Variants in MED13L observed in about 807,000 individuals in gnomAD.
MED13L encodes the protein mediator complex subunit 13L.
A neutral mutation model predicts 220.9 loss-of-function variants in MED13L; 7 were observed. The observed-to-expected ratio is 0.03, with a 90% CI of 0.02 to 0.06. The LOEUF (loss-of-function observed/expected upper bound fraction) is 0.06. MED13L is among the 10% of genes least tolerant of loss of function. The pLI is 1.00. For synonymous variants in MED13L, 1,011 were observed against 1,015.2 expected (o/e 1.00, Z 0.08); for missense variants, 1,965 against 2,760.5 (o/e 0.71, Z 6.46).
At chr12:116,223,890 C>A (rs1868687739) in intron 2 of MED13L, among the ~76,000 whole-genome samples, 1 of 152,100 alleles carries the variant, frequency 6.6e-6, no homozygotes, top group Non-Finnish European at 1.5e-5. Flanking sequence ...TCCAGGACAC[C>A]AGGAAGTCTT....
chr12:115,972,031 G>A, intron 26 of MED13L, 47 bp downstream of exon 26: 1 of 1,598,002 alleles, frequency 6.3e-7, no homozygotes, highest in South Asian at 1.1e-5. Flanking sequence ...TGAGTGGACT[G>A]AATTGATGTG....
intron 2 of MED13L, among the ~76,000 whole-genome samples, chr12:116,212,666 C>T (rs895523307): frequency 2.0e-5 from 3 of 152,088 alleles, no homozygotes; most frequent in Admixed American, 6.5e-5. Flanking sequence ...AACAAAACAA[C>T]AAAACTTTAA....
At chr12:115,966,373 G>A (rs1367644534) in intron 28 of MED13L, 130 bp from the exon 29 acceptor site, 1 of 1,058,582 alleles carries the variant, frequency 9.4e-7, no homozygotes, top group Non-Finnish European at 1.4e-6. Flanking sequence ...GAAAACAACA[G>A]GTGACTGAGA....
rs1422963964 is a variant in MED13L, at chr12:116,265,635, C to A, written c.72+11425G>T. 6.6e-5 allele frequency among the ~76,000 whole-genome samples: 10 copies of A among 152,178 alleles called. No individual in the cohort carries two copies. In the East Asian group the frequency reaches 1.9e-3, roughly 29 times the overall value. On this transcript the variant is annotated intron_variant, in intron 1 of 30. Transcript: ENST00000281928. ...ATAGCACTTTTTTTAAAGTTCAGAA[C>A]TGATTTTAGAAAACTGAAAATTATT...
intron 14 of MED13L, among the ~76,000 whole-genome samples, chr12:116,001,059 T>G (rs78113060): frequency 0.037 from 5,578 of 152,340 alleles, 159 homozygotes; most frequent in Non-Finnish European, 0.056. Flanking sequence ...TTTTGGATAC[T>G]TAAATAAAAT....
At chr12:116,027,385 G>T (rs965923016) in intron 4 of MED13L, among the ~76,000 whole-genome samples, 1 of 151,534 alleles carries the variant, frequency 6.6e-6, no homozygotes, top group Non-Finnish European at 1.5e-5. Flanking sequence ...TCATGCCACT[G>T]AACTCCAGCC....
At position 116,038,744 on chromosome 12, in the gene MED13L, C is replaced by CAAAAAAAAAAAAAA. The variant is rs63703461; in HGVS notation, c.480-16157_480-16144dup. Among the ~76,000 whole-genome samples, 77 of 75,260 alleles carry CAAAAAAAAAAAAAA rather than the reference C, an allele frequency of 1.0e-3. 4 individuals are homozygous for CAAAAAAAAAAAAAA. Among genetic ancestry groups the CAAAAAAAAAAAAAA allele is most frequent in the African/African-American group, 4.4e-3 (73 of 16,648 alleles). 49.4% of individuals were successfully genotyped at this position (75,260 alleles called of 152,430 possible). ...GACTTTACCTATGCGGTCAAAAGGCCAAAAAAAAAAAAAAAAAAAAAAAAA... is the reference window on the plus strand; with the variant it reads ...GACTTTACCTATGCGGTCAAAAGGCCAAAAAAAAAAAAAAAAAAAAAAAAAAAAAAAAAAAAAAA... On this transcript the variant is annotated intron_variant, in intron 4 of 30. Transcript: ENST00000281928.
intron 1 of MED13L, among the ~76,000 whole-genome samples, chr12:116,261,637 T>C (rs571253745): frequency 7.9e-4 from 120 of 152,304 alleles, no homozygotes; most frequent in Admixed American, 2.0e-3. Context: ...AATACTTTCT[T>C]ATATACACAA....
At chr12:116,138,720 CAAATGTT>C (rs1876797651) in intron 2 of MED13L, among the ~76,000 whole-genome samples, 1 of 152,218 alleles carries the variant, frequency 6.6e-6, no homozygotes, top group Non-Finnish European at 1.5e-5. Context: ...AAATTCTAAG[CAAATGTT>C]AGTCATTGAC....
intron 2 of MED13L, among the ~76,000 whole-genome samples, chr12:116,129,257 T>C (rs1159970861): frequency 6.6e-6 from 1 of 152,082 alleles, no homozygotes; most frequent in African/African-American, 2.4e-5. Flanking sequence ...TATTATACTC[T>C]GAGACAGATT....
chr12:115,978,547 G>C (rs923361388), intron 23 of MED13L, among the ~76,000 whole-genome samples: 1 of 152,076 alleles, frequency 6.6e-6, no homozygotes, highest in East Asian at 1.9e-4. Flanking sequence ...AGCTGGTCTC[G>C]AACTCCTGAC....
chr12:116,157,311 T>C (rs1878512955), intron 2 of MED13L, among the ~76,000 whole-genome samples: 1 of 152,142 alleles, frequency 6.6e-6, no homozygotes, highest in Admixed American at 6.6e-5. Flanking sequence ...TTACTTAATA[T>C]ACTTATCTCC....
chr12:116,001,654 T>TTA (rs1878751651), intron 14 of MED13L, among the ~76,000 whole-genome samples: 1 of 152,190 alleles, frequency 6.6e-6, no homozygotes, highest in East Asian at 1.9e-4. Flanking sequence ...GAACACATAT[T>TTA]TATATATATG....
intron 1 of MED13L, among the ~76,000 whole-genome samples, chr12:116,261,481 A>G (rs1381846269): frequency 2.0e-5 from 3 of 151,060 alleles, no homozygotes; most frequent in African/African-American, 7.3e-5. Flanking sequence ...TGGGCAACAG[A>G]AACTCAGTCT....
chr12:115,969,348 A>AT (rs1876414194), intron 27 of MED13L, among the ~76,000 whole-genome samples: 1 of 152,222 alleles, frequency 6.6e-6, no homozygotes, highest in Non-Finnish European at 1.5e-5. Context: ...ATATAACATA[A>AT]AAACCTACAC....
At chr12:116,041,813 C>T (rs375861179) in intron 4 of MED13L, among the ~76,000 whole-genome samples, 2 of 152,154 alleles carry the variant, frequency 1.3e-5, no homozygotes, top group Non-Finnish European at 2.9e-5. Context: ...CCGACCTGGG[C>T]GACAGAGCGA....
intron 14 of MED13L, among the ~76,000 whole-genome samples, chr12:115,999,383 T>A (rs1291890439): frequency 6.6e-6 from 1 of 151,212 alleles, no homozygotes. Context: ...AGAGAAAGAC[T>A]CTGTCTCAAA....
intron 2 of MED13L, among the ~76,000 whole-genome samples, chr12:116,115,490 T>G (rs918485169): frequency 5.3e-5 from 8 of 152,010 alleles, no homozygotes; most frequent in Non-Finnish European, 7.4e-5. Context: ...GAAAAACTGA[T>G]AAACAGAGTT....
chr12:116,236,039 G>C (rs1008546550), intron 2 of MED13L, among the ~76,000 whole-genome samples: 15 of 152,102 alleles, frequency 9.9e-5, no homozygotes, highest in African/African-American at 3.1e-4. Flanking sequence ...TATTTTAATG[G>C]ACAAACAAAA....
Sources: gnomAD v4.1 joint callset for allele counts (sites outside exome capture counted in the v4.1 genomes callset) on GRCh38, gnomAD v4.1.1 for gene constraint, MANE v1.5 for transcripts, NCBI Gene and HGNC (gene_info 2026-07-23, HGNC 2026-07-21) for gene names.